GALNTL6: variants seen among roughly 807,000 people sequenced by gnomAD.
GALNTL6 encodes the protein polypeptide N-acetylgalactosaminyltransferase-like 6.
Under a neutral mutation model 73.7 loss-of-function variants are expected in GALNTL6, and 46 were observed. That is an observed-to-expected ratio of 0.62 (90% CI 0.49 to 0.80). The LOEUF (loss-of-function observed/expected upper bound fraction) is 0.80, where lower values mean the gene tolerates loss of function less well. Ranked by LOEUF, GALNTL6 falls within the 30% of genes least tolerant of loss-of-function variation. The pLI is 0.00. For synonymous variants in GALNTL6, 259 were observed against 263.7 expected (o/e 0.98, Z 0.17); for missense variants, 604 against 755.0 (o/e 0.80, Z 2.34).
chr4:172,802,918 C>T (rs1318883686), intron 5 of GALNTL6, among the ~76,000 whole-genome samples: 3 of 152,138 alleles, frequency 2.0e-5, no homozygotes, highest in South Asian at 2.1e-4. Context: ...AAATTCAGAC[C>T]TTAGTTATAG....
chr4:172,807,471 A>G (rs139088876), intron 5 of GALNTL6, among the ~76,000 whole-genome samples: 1 of 152,320 alleles, frequency 6.6e-6, no homozygotes, highest in African/African-American at 2.4e-5. Context: ...GTCTTCGATT[A>G]TTGGCTTAAT....
At chr4:172,833,320 G>C (rs1251376381) in intron 7 of GALNTL6, among the ~76,000 whole-genome samples, 1 of 152,184 alleles carries the variant, frequency 6.6e-6, no homozygotes, top group Non-Finnish European at 1.5e-5. Context: ...ATTTAAGGGA[G>C]AAATGATAAC....
In GALNTL6 at chr4:172,595,244, T is replaced by TA. The variant is rs1203346248; in HGVS notation, c.554-214109dup. On this transcript the variant is annotated intron_variant, in intron 5 of 12. Transcript: ENST00000506823. ...CAACTGGAGTATTTGTGGGTTTGAG[T>TA]AAAAAAAATATTACAAGGAGAGTGC... Among the ~76,000 whole-genome samples, 5 of 151,872 alleles carry TA rather than the reference T, an allele frequency of 3.3e-5. No individual in the cohort carries two copies. In the South Asian group the frequency reaches 1.0e-3, roughly 31 times the overall value.
At chr4:172,922,249 A>C (rs1361261344) in intron 8 of GALNTL6, among the ~76,000 whole-genome samples, 2 of 152,118 alleles carry the variant, frequency 1.3e-5, no homozygotes, top group African/African-American at 4.8e-5. Context: ...TTTTCTTCCC[A>C]GTTTCAGGTA....
chr4:172,601,342 G>A (rs1457835817), intron 5 of GALNTL6, among the ~76,000 whole-genome samples: 1 of 152,176 alleles, frequency 6.6e-6, no homozygotes, highest in Non-Finnish European at 1.5e-5. Flanking sequence ...ATGTGGTAGT[G>A]TTGGGAGGTA....
At chr4:173,006,001 G>A (rs1248510402) in intron 10 of GALNTL6, among the ~76,000 whole-genome samples, 2 of 152,138 alleles carry the variant, frequency 1.3e-5, no homozygotes, top group Admixed American at 1.3e-4. Context: ...CACTCCAATA[G>A]GCTTTGGTGC....
intron 10 of GALNTL6, among the ~76,000 whole-genome samples, chr4:172,977,292 A>T (rs1225300027): frequency 6.6e-6 from 1 of 152,190 alleles, no homozygotes; most frequent in Non-Finnish European, 1.5e-5. Flanking sequence ...GAAGCTAGGA[A>T]TATTTGAGTC....
At chr4:172,822,647 A>G (rs1236833067) in intron 7 of GALNTL6, among the ~76,000 whole-genome samples, 1 of 152,142 alleles carries the variant, frequency 6.6e-6, no homozygotes, top group Non-Finnish European at 1.5e-5. Flanking sequence ...TGAATTCTTC[A>G]TGCCAACCAC....
chr4:172,063,711 G>A (rs916993902), intron 2 of GALNTL6, among the ~76,000 whole-genome samples: 3 of 152,060 alleles, frequency 2.0e-5, no homozygotes, highest in African/African-American at 7.2e-5. Context: ...CTCCTGGGTG[G>A]TAAAAATGCA....
At chr4:172,181,980 G>A (rs956999574) in intron 2 of GALNTL6, among the ~76,000 whole-genome samples, 4 of 152,034 alleles carry the variant, frequency 2.6e-5, no homozygotes, top group Non-Finnish European at 4.4e-5. Context: ...GCCTCCCAAA[G>A]TGCTGGGATT....
intron 2 of GALNTL6, among the ~76,000 whole-genome samples, chr4:172,064,901 T>C (rs1731314128): frequency 6.6e-6 from 1 of 152,172 alleles, no homozygotes; most frequent in African/African-American, 2.4e-5. Context: ...AAATATCTCA[T>C]ATGAAAATAA....
chr4:173,034,363 G>A (rs1224101976), intron 12 of GALNTL6, among the ~76,000 whole-genome samples: 2 of 152,114 alleles, frequency 1.3e-5, no homozygotes, highest in African/African-American at 2.4e-5. Context: ...TTCATGAGAA[G>A]TCAATCCTTA....
rs188345635 is a variant in GALNTL6 at position 172,600,623 on chromosome 4, T to A, written c.554-208738T>A. On this transcript the variant is annotated intron_variant, in intron 5 of 12. Coordinates refer to ENST00000506823, the MANE Select transcript of GALNTL6 (RefSeq NM_001034845.3). Reference sequence around the variant, plus strand: ...TACGTAAGTCTAGGCAGAGAGATACTACTGGAGGATAGTAGGCTGAATAAT... The same window carrying A: ...TACGTAAGTCTAGGCAGAGAGATACAACTGGAGGATAGTAGGCTGAATAAT... Among the ~76,000 whole-genome samples, 426 of 152,304 alleles carry A rather than the reference T, an allele frequency of 2.8e-3. 7 individuals carry two copies. Among genetic ancestry groups the A allele is most frequent in the Non-Finnish European group, 1.0e-3 (68 of 68,020 alleles).
At chr4:173,007,516 TGATGGAAG>T (rs1561082692) in intron 10 of GALNTL6, among the ~76,000 whole-genome samples, 4 of 152,114 alleles carry the variant, frequency 2.6e-5, no homozygotes, top group African/African-American at 7.2e-5. Context: ...CAGGAAGATA[TGATGGAAG>T]GGCCAGGCGT....
chr4:172,291,790 C>T (rs58879274), intron 3 of GALNTL6, among the ~76,000 whole-genome samples: 23,578 of 150,756 alleles, frequency 0.16, 1,973 homozygotes, highest in East Asian at 0.2. Flanking sequence ...CATTCCAAAG[C>T]TGTAATATAC....
At chr4:172,878,585 G>A (rs531828984) in intron 7 of GALNTL6, among the ~76,000 whole-genome samples, 27 of 151,778 alleles carry the variant, frequency 1.8e-4, no homozygotes, top group African/African-American at 6.0e-4. Flanking sequence ...AAAGGTATAT[G>A]CCATAAACCA....
intron 2 of GALNTL6, among the ~76,000 whole-genome samples, chr4:171,968,287 C>T (rs559773396): frequency 6.6e-6 from 1 of 152,120 alleles, no homozygotes; most frequent in Non-Finnish European, 1.5e-5. Context: ...AATCTGGAGG[C>T]CAAAAGTCCG....
At chr4:172,985,935 T>G (rs1424955801) in intron 10 of GALNTL6, among the ~76,000 whole-genome samples, 2 of 152,214 alleles carry the variant, frequency 1.3e-5, no homozygotes, top group Non-Finnish European at 2.9e-5. Context: ...TGTGGCTAAT[T>G]TGTTGGTTTT....
chr4:172,502,471 G>A (rs570979555), intron 5 of GALNTL6, among the ~76,000 whole-genome samples: 3 of 103,270 alleles, frequency 2.9e-5, no homozygotes, highest in African/African-American at 9.5e-5. Context: ...ACTCATAGAT[G>A]TGAGCACTTT....
Sources: gnomAD v4.1 joint callset for allele counts (sites outside exome capture counted in the v4.1 genomes callset) on GRCh38, gnomAD v4.1.1 for gene constraint, MANE v1.5 for transcripts, NCBI Gene and HGNC (gene_info 2026-07-23, HGNC 2026-07-21) for gene names.